ZNF674: variants seen among roughly 807,000 people sequenced by gnomAD.
ZNF674 encodes zinc finger family member 674.
ZNF674 carries 2 observed loss-of-function variants against 7.0 expected under a neutral mutation model. That is an observed-to-expected ratio of 0.29 (90% CI 0.12 to 0.90). ZNF674 has a LOEUF of 0.90. Ranked by LOEUF, ZNF674 falls within the 40% of genes least tolerant of loss-of-function variation. The pLI, the probability that ZNF674 is intolerant of heterozygous loss-of-function variation, is 0.57. For synonymous variants in ZNF674, 103 were observed against 145.2 expected (o/e 0.71, Z 2.09); for missense variants, 297 against 415.5 (o/e 0.71, Z 2.48).
At chrX:46,518,052 GA>G (rs1224820118) in intron 5 of ZNF674, among the ~76,000 whole-genome samples, 1 of 110,773 alleles carries the variant, frequency 9.0e-6, no homozygotes, top group Non-Finnish European at 1.9e-5. Flanking sequence ...TCAGGTAAAG[GA>G]AAATTAAGAG....
intron 5 of ZNF674, among the ~76,000 whole-genome samples, chrX:46,509,845 T>C (rs1306437243): frequency 1.8e-5 from 2 of 108,622 alleles, no homozygotes; most frequent in African/African-American, 6.7e-5. Context: ...CACACGTATG[T>C]TTATTGCGTC....
chrX:46,499,764 A>T lies in ZNF674; in HGVS notation c.*79T>A. 4 of 766,404 alleles carry T rather than the reference A, an allele frequency of 5.2e-6. No homozygotes were observed. The highest frequency in any genetic ancestry group is 7.1e-6 in the Non-Finnish European group (4 of 560,413). 63.2% of individuals were successfully genotyped at this position (766,404 alleles called of 1,213,427 possible). A position where few individuals can be genotyped will look rare whatever the true frequency, so the allele number is the denominator to read the frequency against. On this transcript the variant is annotated 3_prime_UTR_variant, in exon 6 of 6. Coordinates refer to ENST00000683375, the MANE Select transcript of ZNF674 (RefSeq NM_001190417.2). Reference sequence around the variant, plus strand: ...GACATTTATAAGATTACTCGCCATGATTATTTGACAAATAATGAGACTAGT... The same window carrying T: ...GACATTTATAAGATTACTCGCCATGTTTATTTGACAAATAATGAGACTAGT...
Position 46,533,829 on chromosome X carries a change from A to T in ZNF674, c.16-4920T>A, listed in dbSNP as rs866853992. ...CCTGTCTCAAAAAAAAAAAAAAAAA[A>T]ATATATATATATATATATATATATA... On this transcript the variant is annotated intron_variant, in intron 3 of 5. Coordinates refer to ENST00000683375, the MANE Select transcript of ZNF674 (RefSeq NM_001190417.2). Among the ~76,000 whole-genome samples, 440 of 65,374 alleles carry T rather than the reference A, an allele frequency of 6.7e-3. 2 individuals are homozygous for T. Among genetic ancestry groups the T allele is most frequent in the African/African-American group, 8.0e-3 (81 of 10,144 alleles). The allele number at this position is 65,374 out of a possible 115,157, so 56.8% of individuals were successfully genotyped here.
intron 3 of ZNF674, among the ~76,000 whole-genome samples, chrX:46,532,035 G>T (rs1326195691): frequency 2.7e-5 from 3 of 110,308 alleles, no homozygotes; most frequent in African/African-American, 6.6e-5. Context: ...CGTGGTGGCG[G>T]GCGCCTGTAA....
chrX:46,513,500 C>T (rs2146596686), intron 5 of ZNF674, among the ~76,000 whole-genome samples: 1 of 111,756 alleles, frequency 8.9e-6, no homozygotes, highest in African/African-American at 3.2e-5. Flanking sequence ...AATTTTGCCA[C>T]ATAAGGTCAT....
At chrX:46,538,709 C>T (rs1426299394) in intron 3 of ZNF674, among the ~76,000 whole-genome samples, 1 of 111,344 alleles carries the variant, frequency 9.0e-6, no homozygotes, top group Non-Finnish European at 1.9e-5. Flanking sequence ...CTGGCCAACA[C>T]AGTAAGACTC....
At chrX:46,522,335 C>G (rs1217878883) in intron 5 of ZNF674, among the ~76,000 whole-genome samples, 1 of 110,666 alleles carries the variant, frequency 9.0e-6, no homozygotes, top group African/African-American at 3.3e-5. Context: ...ATTAACTATA[C>G]TAGCCTTAAA....
chrX:46,543,962 T>C (rs773426696), intron 2 of ZNF674, among the ~76,000 whole-genome samples: 6 of 112,642 alleles, frequency 5.3e-5, no homozygotes, highest in Non-Finnish European at 1.1e-4. Context: ...AGCAGGTGCC[T>C]GGTTGATGGT....
chrX:46,534,151 CA>C (rs1942163145), intron 3 of ZNF674, among the ~76,000 whole-genome samples: 1 of 109,407 alleles, frequency 9.1e-6, no homozygotes, highest in African/African-American at 3.3e-5. Flanking sequence ...CACTTATTAT[CA>C]TGAGAACAGC....
Position 46,507,435 on chromosome X carries a change from G to T in ZNF674, c.239-6100C>A, listed in dbSNP as rs1187115575. On this transcript the variant is annotated intron_variant, in intron 5 of 5. Coordinates refer to ENST00000683375, the MANE Select transcript of ZNF674 (RefSeq NM_001190417.2). ...TAATCATAGATTACTATGTGGCTTG[G>T]CTGTGTATAGTATTTATATATACAG... Among the ~76,000 whole-genome samples the T allele has an allele frequency of 7.2e-5, 8 of 111,588 alleles. 1 individual carries two copies. Among genetic ancestry groups the T allele is most frequent in the African/African-American group, 2.3e-4 (7 of 30,754 alleles).
intron 5 of ZNF674, among the ~76,000 whole-genome samples, chrX:46,504,874 T>C (rs1223239333): frequency 9.1e-6 from 1 of 110,409 alleles, no homozygotes; most frequent in Admixed American, 9.7e-5. Context: ...TTTCTTTTTA[T>C]TTTTTTAATT....
chrX:46,508,004 C>T (rs1269814750), intron 5 of ZNF674, among the ~76,000 whole-genome samples: 3 of 110,859 alleles, frequency 2.7e-5, no homozygotes, highest in Non-Finnish European at 5.7e-5. Context: ...AGTTTCACCA[C>T]ATTTATTTTA....
chrX:46,518,208 T>C, intron 5 of ZNF674, among the ~76,000 whole-genome samples: 2 of 111,434 alleles, frequency 1.8e-5, no homozygotes, highest in Admixed American at 1.9e-4. Flanking sequence ...AAATGTAATG[T>C]ATAATTTTTC....
At chrX:46,512,994 G>C (rs945918459) in intron 5 of ZNF674, among the ~76,000 whole-genome samples, 1 of 111,609 alleles carries the variant, frequency 9.0e-6, no homozygotes, top group South Asian at 3.7e-4. Context: ...GCTGGGCACA[G>C]TGGCTCATGT....
chrX:46,531,791 T>C (rs1468943704), intron 3 of ZNF674, among the ~76,000 whole-genome samples: 1 of 111,041 alleles, frequency 9.0e-6, no homozygotes, highest in Non-Finnish European at 1.9e-5. Flanking sequence ...ATAAAAATGA[T>C]ACTGCCTGTG....
intron 5 of ZNF674, among the ~76,000 whole-genome samples, chrX:46,526,214 A>G (rs925071855): frequency 5.4e-5 from 6 of 112,123 alleles, no homozygotes; most frequent in Admixed American, 9.6e-5. Context: ...TGATTTGAAC[A>G]CTTAATGTTA....
chrX:46,533,829 A>AATATATAT (rs1197442802), intron 3 of ZNF674, among the ~76,000 whole-genome samples: 34 of 65,544 alleles, frequency 5.2e-4, no homozygotes, highest in African/African-American at 2.5e-3. Context: ...AAAAAAAAAA[A>AATATATAT]ATATATATAT....
At chrX:46,503,658 C>A (rs1297234364) in intron 5 of ZNF674, among the ~76,000 whole-genome samples, 1 of 111,359 alleles carries the variant, frequency 9.0e-6, no homozygotes, top group East Asian at 2.8e-4. Flanking sequence ...ACATCTGGCA[C>A]TTAGTAACCA....
chrX:46,539,041 C>A (rs972656954), intron 3 of ZNF674, among the ~76,000 whole-genome samples: 4 of 111,082 alleles, frequency 3.6e-5, no homozygotes, highest in Non-Finnish European at 3.8e-5. Flanking sequence ...AAAAATTAGC[C>A]AGGTGTGGTG....
Sources: gnomAD v4.1 joint callset for allele counts (sites outside exome capture counted in the v4.1 genomes callset) on GRCh38, gnomAD v4.1.1 for gene constraint, MANE v1.5 for transcripts, NCBI Gene and HGNC (gene_info 2026-07-23, HGNC 2026-07-21) for gene names.